The following NSMAF variants were observed in gnomAD, a reference collection of about 807,000 sequenced individuals.
NSMAF encodes the protein neutral sphingomyelinase activation associated factor.
A neutral mutation model predicts 134.9 loss-of-function variants in NSMAF; 90 were observed. The observed-to-expected ratio is 0.67, with a 90% CI of 0.56 to 0.79. The LOEUF (loss-of-function observed/expected upper bound fraction) is 0.79. Ranked by LOEUF, NSMAF falls within the 30% of genes least tolerant of loss-of-function variation. The pLI, the probability that NSMAF is intolerant of heterozygous loss-of-function variation, is 0.00. For synonymous variants in NSMAF, 358 were observed against 389.6 expected (o/e 0.92, Z 0.96); for missense variants, 1,010 against 1,119.0 (o/e 0.90, Z 1.39).
intron 6 of NSMAF, among the ~76,000 whole-genome samples, chr8:58,627,886 C>T (rs1806972501): frequency 6.6e-6 from 1 of 152,020 alleles, no homozygotes; most frequent in Non-Finnish European, 1.5e-5. Context: ...CAGAAACAAT[C>T]CTAAAATCCA....
At chr8:58,644,925 A>G (rs1216838307) in intron 1 of NSMAF, among the ~76,000 whole-genome samples, 1 of 152,148 alleles carries the variant, frequency 6.6e-6, no homozygotes, top group East Asian at 1.9e-4. Flanking sequence ...GAACACATGG[A>G]CACAGGGAGG....
At chr8:58,623,815 G>A (rs372917390) in intron 6 of NSMAF, 35 bp from the exon 7 acceptor site, 1 of 1,535,692 alleles carries the variant, frequency 6.5e-7, no homozygotes, top group Non-Finnish European at 9.0e-7. Flanking sequence ...AATACAGGAA[G>A]AGAAGAAGTG....
chr8:58,646,684 G>C (rs1316631603), intron 1 of NSMAF, among the ~76,000 whole-genome samples: 1 of 151,898 alleles, frequency 6.6e-6, no homozygotes, highest in Non-Finnish European at 1.5e-5. Context: ...TAAGTTGCAT[G>C]ATTTTTAGAA....
intron 1 of NSMAF, among the ~76,000 whole-genome samples, chr8:58,645,764 G>T (rs1485131822): frequency 1.3e-5 from 2 of 152,192 alleles, no homozygotes; most frequent in African/African-American, 4.8e-5. Context: ...TAATAGGCCA[G>T]GCGCAGCGGC....
Position 58,601,301 on chromosome 8 carries a change from C to T in NSMAF, c.1264G>A (p.Asp422Asn). ...CLQNGRFDNA[D>N]RMFNSIAETW... ...GTATCAAACCTGTTGAACATTCTAT[C>T]TGCATTATCAAATCTTCCATTCTGC... Residue 422 changes from aspartate to asparagine, a missense_variant, in exon 16 of 31, where the codon GAT (aspartate) becomes AAT (asparagine). Transcript: ENST00000038176. 6.2e-7 allele frequency: 1 copy of T among 1,613,748 alleles called. No individual in the cohort carries two copies. The highest frequency in any genetic ancestry group is 8.5e-7 in the Non-Finnish European group (1 of 1,179,764).
At chr8:58,605,253 G>C (rs1806377534) in intron 12 of NSMAF, among the ~76,000 whole-genome samples, 1 of 152,146 alleles carries the variant, frequency 6.6e-6, no homozygotes, top group Non-Finnish European at 1.5e-5. Flanking sequence ...CCACTCCAAA[G>C]TCAGTATATT....
At chr8:58,616,552 C>T (rs1285688073) in intron 9 of NSMAF, among the ~76,000 whole-genome samples, 3 of 151,728 alleles carry the variant, frequency 2.0e-5, no homozygotes, top group African/African-American at 7.3e-5. Context: ...AATTCTACAC[C>T]CATTATTGAA....
intron 26 of NSMAF, among the ~76,000 whole-genome samples, chr8:58,589,121 T>C (rs1050527866): frequency 6.7e-6 from 1 of 149,278 alleles, no homozygotes; most frequent in African/African-American, 2.4e-5. Context: ...GGATATTGAA[T>C]GTTATTGCCT....
rs1204702518 is a variant in NSMAF at position 58,603,202 on chromosome 8, G to A, written c.1045+8C>T. The A allele has an allele frequency of 1.2e-6, 2 of 1,613,386 alleles. No homozygotes were observed. The highest frequency in any genetic ancestry group is 3.3e-5 in the Admixed American group (2 of 60,012). ...CAACTTGGTCAGAATTCCACGTGTG[G>A]CAGTTACCTAGTTCTGAGCTGGAAT... On this transcript the variant is annotated splice_region_variant and intron_variant, in intron 13 of 30. Coordinates refer to ENST00000038176, the MANE Select transcript of NSMAF (RefSeq NM_003580.4).
intron 9 of NSMAF, among the ~76,000 whole-genome samples, chr8:58,611,495 T>C (rs1285072386): frequency 6.6e-6 from 1 of 152,184 alleles, no homozygotes; most frequent in Non-Finnish European, 1.5e-5. Context: ...ATTATGCCAC[T>C]GCACTCCAGC....
chr8:58,642,908 T>C, intron 2 of NSMAF, 76 bp downstream of exon 2: 1 of 1,079,562 alleles, frequency 9.3e-7, no homozygotes, highest in South Asian at 1.3e-5. Flanking sequence ...AACACCTATA[T>C]GATCACACAT....
rs33942423 is a variant in NSMAF, at chr8:58,601,546, G to GAAAAA, written c.1126-16_1126-12dup. The GAAAAA allele has an allele frequency of 3.3e-3, 4,784 of 1,436,226 alleles. 13 individuals carry two copies. The highest frequency in any genetic ancestry group is 0.01 in the South Asian group (690 of 67,976). The allele number at this position is 1,436,226 out of a possible 1,614,324, so 89.0% of individuals were successfully genotyped here. ...TTCCTGGTAGCGTGTCTAGAATACA[G>GAAAAA]AAAAAAAAAAAAAATAGAGCTAAGT... On this transcript the variant is annotated splice_polypyrimidine_tract_variant and intron_variant, in intron 14 of 30. Coordinates refer to ENST00000038176, the MANE Select transcript of NSMAF (RefSeq NM_003580.4).
intron 6 of NSMAF, among the ~76,000 whole-genome samples, chr8:58,626,074 A>G (rs1055330419): frequency 2.2e-5 from 3 of 139,230 alleles, no homozygotes; most frequent in Non-Finnish European, 3.1e-5. Context: ...TAAGCCCCCA[A>G]AGTCCATTAT....
rs2129139259 is a variant in NSMAF, at chr8:58,589,489, T to C, written c.2174A>G (p.Asn725Ser). 1 of 1,560,830 alleles carries C rather than the reference T, an allele frequency of 6.4e-7. No individual in the cohort carries two copies. Among genetic ancestry groups the C allele is most frequent in the Non-Finnish European group, 8.6e-7 (1 of 1,162,498 alleles). ...GTCCCACGATGCAGAATATAGCCTG[T>C]TGTCATGCCAACAGATCTTACTAAC... ...DAVSKICWHD[N>S]RLYSASWDST... is the part of the protein sequence containing the mutation. The change falls in exon 26 of 31, where the codon AAC (asparagine) becomes AGC (serine). Residue 725 changes from asparagine to serine, a missense_variant. Transcript: ENST00000038176.
At chr8:58,594,084 T>C in intron 23 of NSMAF, 148 bp downstream of exon 23, 1 of 632,350 alleles carries the variant, frequency 1.6e-6, no homozygotes, top group South Asian at 2.1e-5. Flanking sequence ...CATGAAACTC[T>C]ATGTAATGTA....
intron 14 of NSMAF, 51 bp from the exon 15 acceptor site, chr8:58,601,586 A>T: frequency 6.4e-7 from 1 of 1,552,294 alleles, no homozygotes; most frequent in Non-Finnish European, 8.6e-7. Flanking sequence ...GCTATGAAAT[A>T]ATAACTGACA....
intron 2 of NSMAF, among the ~76,000 whole-genome samples, chr8:58,636,060 A>G (rs965572674): frequency 3.3e-5 from 5 of 152,216 alleles, no homozygotes; most frequent in African/African-American, 1.2e-4. Flanking sequence ...GAAATTTTAT[A>G]CCATTTCATA....
chr8:58,659,538 C>T (rs552124339), intron 1 of NSMAF, 35 bp downstream of exon 1: 5 of 1,522,938 alleles, frequency 3.3e-6, no homozygotes, highest in Middle Eastern at 1.7e-4. Context: ...CCCGACTAGG[C>T]CCCCGGCTGG....
intron 23 of NSMAF, among the ~76,000 whole-genome samples, chr8:58,591,600 C>T (rs113081985): frequency 6.7e-6 from 1 of 149,408 alleles, no homozygotes; most frequent in Non-Finnish European, 1.5e-5. Context: ...AATTCTTGTG[C>T]CTCAGCCTCC....
Sources: allele counts gnomAD v4.1 joint callset (sites outside exome capture counted in the v4.1 genomes callset), GRCh38; gene constraint gnomAD v4.1.1; transcripts MANE v1.5; gene names NCBI Gene and HGNC (gene_info 2026-07-23, HGNC 2026-07-21).